Variants in ANXA4 observed in about 807,000 individuals in gnomAD.
The protein encoded by ANXA4 is annexin A4.
A neutral mutation model predicts 49.8 loss-of-function variants in ANXA4; 39 were observed. The ratio of observed to expected loss-of-function variants is 0.78; its 90% CI spans 0.61 to 1.02. ANXA4 has a LOEUF of 1.02. ANXA4 is among the 50% of genes least tolerant of loss of function. The probability of loss-of-function intolerance (pLI) is 0.00; values close to 1 mark genes in which losing one functional copy is unlikely to be tolerated. For synonymous variants in ANXA4, 134 were observed against 152.5 expected, an observed-to-expected ratio of 0.88 and a Z score of 0.89; for missense variants, 360 against 410.1, an observed-to-expected ratio of 0.88 and a Z score of 1.05.
At chr2:69,700,115 T>C (rs1678283802) in intron 2 of ANXA4, 1 of 152,152 alleles carries the variant, frequency 6.6e-6, no homozygotes, top group Non-Finnish European at 1.5e-5. Context: ...GAAATGTAAA[T>C]TTTTTTAAAG....
chr2:69,682,689 G>C (rs1677641049), intron 2 of ANXA4, among the ~76,000 whole-genome samples: 1 of 152,060 alleles, frequency 6.6e-6, no homozygotes, highest in Non-Finnish European at 1.5e-5. Context: ...AAAACTATGA[G>C]GTCCTTAGAA....
At chr2:69,718,732 C>A (rs1669722354) in intron 2 of ANXA4, among the ~76,000 whole-genome samples, 1 of 151,176 alleles carries the variant, frequency 6.6e-6, no homozygotes, top group South Asian at 2.1e-4. Flanking sequence ...CATGCATACA[C>A]AAATGCACAC....
chr2:69,679,912 G>T (rs762319974), intron 2 of ANXA4, among the ~76,000 whole-genome samples: 1 of 152,100 alleles, frequency 6.6e-6, no homozygotes, highest in Non-Finnish European at 1.5e-5. Flanking sequence ...CTATAACCTT[G>T]TAATATATTT....
chr2:69,822,925 TACC>T (rs1360321564), intron 12 of ANXA4, among the ~76,000 whole-genome samples: 2 of 151,882 alleles, frequency 1.3e-5, no homozygotes, highest in African/African-American at 4.8e-5. Flanking sequence ...TATATTTTTT[TACC>T]ACAAGAAAAA....
intron 2 of ANXA4, among the ~76,000 whole-genome samples, chr2:69,696,164 A>T (rs1309641081): frequency 3.9e-5 from 6 of 152,214 alleles, no homozygotes; most frequent in African/African-American, 1.4e-4. Context: ...TCCTTTCAAA[A>T]TTGGATTCCA....
intron 9 of ANXA4, 68 bp from the exon 10 acceptor site, chr2:69,818,531 T>A (rs1674097495): frequency 9.9e-7 from 1 of 1,009,024 alleles, no homozygotes; most frequent in African/African-American, 1.6e-5. Flanking sequence ...AAAATGCTCA[T>A]TCTCTCCATA....
At chr2:69,705,341 C>T (rs1302155848) in intron 2 of ANXA4, among the ~76,000 whole-genome samples, 1 of 151,976 alleles carries the variant, frequency 6.6e-6, no homozygotes, top group Non-Finnish European at 1.5e-5. Context: ...TCTAATGGGT[C>T]GTGGGATTAT....
At chr2:69,778,952 G>C (rs1356773037) in intron 1 of ANXA4, among the ~76,000 whole-genome samples, 1 of 151,332 alleles carries the variant, frequency 6.6e-6, no homozygotes, top group Non-Finnish European at 1.5e-5. Context: ...ACAAAAATTA[G>C]CCGGGTATGG....
At chr2:69,811,746 T>C (rs1250811315) in intron 7 of ANXA4, among the ~76,000 whole-genome samples, 2 of 152,196 alleles carry the variant, frequency 1.3e-5, no homozygotes, top group East Asian at 3.8e-4. Flanking sequence ...ATTGCTGTTG[T>C]TCCTCCTACA....
At chr2:69,699,454 A>G (rs1487003643) in intron 2 of ANXA4, among the ~76,000 whole-genome samples, 2 of 152,030 alleles carry the variant, frequency 1.3e-5, no homozygotes, top group Admixed American at 1.3e-4. Flanking sequence ...AGCCCTGGCT[A>G]CATAGTGAGA....
rs575231302 is a variant in ANXA4, at chr2:69,757,746, C to T, written c.-47+15571C>T. Among the ~76,000 whole-genome samples, 165 of 151,406 alleles carry T rather than the reference C, an allele frequency of 1.1e-3. 6 individuals are homozygous for T. The South Asian group carries it at 0.034, about 31-fold the overall frequency. On this transcript the variant is annotated intron_variant, in intron 1 of 12. Coordinates refer to ENST00000394295, the MANE Select transcript of ANXA4 (RefSeq NM_001153.5). ...GGCCAAGGTGGGTGGATCACGAGGT[C>T]GAGAGATTGAGACCATCCTGGGCAA...
At chr2:69,664,801 C>G (rs1459926096) in intron 2 of ANXA4, among the ~76,000 whole-genome samples, 1 of 152,126 alleles carries the variant, frequency 6.6e-6, no homozygotes, top group Admixed American at 6.6e-5. Flanking sequence ...GTGACTGCAC[C>G]TCTAAAGTAA....
intron 12 of ANXA4, among the ~76,000 whole-genome samples, chr2:69,825,230 G>A (rs984800417): frequency 1.3e-5 from 2 of 151,978 alleles, no homozygotes; most frequent in African/African-American, 4.8e-5. Flanking sequence ...ACATCAAAAC[G>A]GTAAGAATAG....
intron 5 of ANXA4, among the ~76,000 whole-genome samples, chr2:69,807,243 T>C (rs2103823770): frequency 6.6e-6 from 1 of 152,302 alleles, no homozygotes; most frequent in South Asian, 2.1e-4. Flanking sequence ...TAGCTATCTC[T>C]AGACAGCTAA....
At chr2:69,687,272 C>T (rs1354837581) in intron 2 of ANXA4, among the ~76,000 whole-genome samples, 2 of 152,022 alleles carry the variant, frequency 1.3e-5, no homozygotes, top group African/African-American at 2.4e-5. Flanking sequence ...GGGAGGCCAA[C>T]GTGGGCAGAT....
intron 2 of ANXA4, 91 bp from the exon 3 acceptor site, chr2:69,787,963 T>C: frequency 1.8e-6 from 2 of 1,099,308 alleles, no homozygotes; most frequent in Non-Finnish European, 2.8e-6. Flanking sequence ...ATCTAGGCTA[T>C]GGTCAGTGCT....
At chr2:69,644,408 C>G (rs1272429302), upstream of ANXA4, 4 of 152,150 alleles carry the variant, frequency 2.6e-5, no homozygotes, top group Admixed American at 1.3e-4. Flanking sequence ...CCGGCTGCAC[C>G]GAGCGCCAGC....
At chr2:69,733,094 A>G (rs1422451841) in intron 3 of ANXA4, among the ~76,000 whole-genome samples, 3 of 152,266 alleles carry the variant, frequency 2.0e-5, no homozygotes, top group Non-Finnish European at 4.4e-5. Context: ...TAATAGTAAA[A>G]TGAAGCATTA....
chr2:69,763,884 A>G (rs1383742025), intron 1 of ANXA4, among the ~76,000 whole-genome samples: 3 of 152,046 alleles, frequency 2.0e-5, no homozygotes, highest in African/African-American at 7.2e-5. Flanking sequence ...GCTGGTCTCA[A>G]ACTCCTGACC....
Sources: allele counts gnomAD v4.1 joint callset (sites outside exome capture counted in the v4.1 genomes callset), GRCh38; gene constraint gnomAD v4.1.1; transcripts MANE v1.5; gene names NCBI Gene and HGNC (gene_info 2026-07-23, HGNC 2026-07-21).